ANO4: variants seen among roughly 807,000 people sequenced by gnomAD.
The protein encoded by ANO4 is anoctamin-4.
Under a neutral mutation model 141.9 loss-of-function variants are expected in ANO4, and 69 were observed. That is an observed-to-expected ratio of 0.49 (90% CI 0.40 to 0.59). ANO4 has a LOEUF of 0.59. Among genes scored for constraint, ANO4 ranks in the 20% least tolerant of loss-of-function variants. ANO4 has a pLI of 0.00. For synonymous variants in ANO4, 350 were observed against 394.3 expected (o/e 0.89, Z 1.33); for missense variants, 894 against 1,162.2 (o/e 0.77, Z 3.36).
At chr12:101,057,159 C>T (rs2048156711) in intron 14 of ANO4, among the ~76,000 whole-genome samples, 1 of 151,806 alleles carries the variant, frequency 6.6e-6, no homozygotes, top group African/African-American at 2.4e-5. Flanking sequence ...CCAGCTTCAT[C>T]CATGTCCCTG....
At chr12:100,825,752 G>T (rs2036299938) in intron 1 of ANO4, among the ~76,000 whole-genome samples, 1 of 151,984 alleles carries the variant, frequency 6.6e-6, no homozygotes, top group South Asian at 2.1e-4. Flanking sequence ...ATACCATTTT[G>T]ATAAATGATT....
chr12:100,746,380 C>G (rs1399213164), intron 3 of ANO4, among the ~76,000 whole-genome samples: 2 of 150,360 alleles, frequency 1.3e-5, no homozygotes, highest in African/African-American at 4.9e-5. Context: ...TTGAACCCGG[C>G]AGGCGGAGGC....
intron 3 of ANO4, among the ~76,000 whole-genome samples, chr12:100,770,407 T>G (rs1242719675): frequency 6.6e-6 from 1 of 152,270 alleles, no homozygotes; most frequent in Non-Finnish European, 1.5e-5. Context: ...ATTACATGGA[T>G]TTTGATTTTC....
intron 1 of ANO4, among the ~76,000 whole-genome samples, chr12:100,893,329 A>G (rs146249189): frequency 6.6e-6 from 1 of 151,562 alleles, no homozygotes; most frequent in East Asian, 1.9e-4. Context: ...CCATTATTGG[A>G]GGTGTGTTCA....
chr12:100,858,174 G>A (rs1200887777), intron 1 of ANO4, among the ~76,000 whole-genome samples: 1 of 152,032 alleles, frequency 6.6e-6, no homozygotes, highest in African/African-American at 2.4e-5. Flanking sequence ...CATCACTGTG[G>A]GTACATGAAA....
At chr12:101,008,072 G>T (rs2045942968) in intron 8 of ANO4, among the ~76,000 whole-genome samples, 1 of 152,260 alleles carries the variant, frequency 6.6e-6, no homozygotes, top group East Asian at 1.9e-4. Flanking sequence ...TCATTGTGAA[G>T]ATTCTGACTT....
chr12:100,814,568 T>G (rs928661532), intron 1 of ANO4, among the ~76,000 whole-genome samples: 2 of 152,154 alleles, frequency 1.3e-5, no homozygotes, highest in Non-Finnish European at 2.9e-5. Flanking sequence ...CTTATATGTT[T>G]TTATTGATAC....
chr12:100,830,691 G>C (rs2036586770), intron 1 of ANO4, among the ~76,000 whole-genome samples: 1 of 151,926 alleles, frequency 6.6e-6, no homozygotes, highest in African/African-American at 2.4e-5. Context: ...GCTCAGACAG[G>C]GATTTCATAC....
chr12:100,731,333 A>T (rs2031371786), intron 1 of ANO4, among the ~76,000 whole-genome samples: 1 of 152,206 alleles, frequency 6.6e-6, no homozygotes, highest in Non-Finnish European at 1.5e-5. Context: ...GTAATATTTT[A>T]AAATCACTTA....
intron 8 of ANO4, among the ~76,000 whole-genome samples, chr12:100,994,958 C>T (rs77873192): frequency 0.023 from 3,566 of 152,188 alleles, 132 homozygotes; most frequent in African/African-American, 0.081. Context: ...GTGTAGAGGC[C>T]AGGGATGCTG....
intron 14 of ANO4, among the ~76,000 whole-genome samples, chr12:101,051,444 T>C (rs1387155369): frequency 6.6e-6 from 1 of 152,260 alleles, no homozygotes; most frequent in Non-Finnish European, 1.5e-5. Context: ...AGATGACAAC[T>C]TATTGCTTAA....
chr12:100,807,184 G>T (rs1011003051), intron 1 of ANO4, among the ~76,000 whole-genome samples: 1 of 152,110 alleles, frequency 6.6e-6, no homozygotes, highest in Non-Finnish European at 1.5e-5. Flanking sequence ...AAACATTTCA[G>T]GCACGATGTG....
At chr12:100,912,469 G>A (rs1342815732) in intron 2 of ANO4, among the ~76,000 whole-genome samples, 2 of 149,944 alleles carry the variant, frequency 1.3e-5, no homozygotes, top group Admixed American at 6.7e-5. Context: ...GGGAGACAGA[G>A]GTGGCAGTGA....
At chr12:100,768,986 CAT>C (rs570757140) in intron 3 of ANO4, among the ~76,000 whole-genome samples, 40 of 152,260 alleles carry the variant, frequency 2.6e-4, no homozygotes, top group African/African-American at 8.4e-4. Context: ...TAGCATCTAA[CAT>C]GTGAAAAACC....
intron 1 of ANO4, among the ~76,000 whole-genome samples, chr12:100,874,877 GTT>G (rs1033864099): frequency 2.0e-5 from 3 of 152,028 alleles, no homozygotes; most frequent in Non-Finnish European, 4.4e-5. Context: ...TAGCCCCTTA[GTT>G]TTGGCTGATT....
In ANO4 at chr12:101,126,758, C is replaced by T. The variant is rs547445755; in HGVS notation, c.2677-121C>T. 32 of 838,244 alleles carry T rather than the reference C, an allele frequency of 3.8e-5. 1 individual carries two copies. The South Asian group carries it at 5.1e-4, about 13-fold the overall frequency. 51.9% of individuals were successfully genotyped at this position (838,244 alleles called of 1,614,324 possible). On this transcript the variant is annotated intron_variant, in intron 26 of 27. Transcript: ENST00000392977. The stretch of plus-strand genomic sequence containing the variant: ...CTATCATCTTGCATTACACACGCCT[C>T]CCCTGGTCACTTTGCACTCTCCACA...
chr12:100,740,102 A>G (rs2031796537), exon 3 of ANO4: 1 of 702,212 alleles, frequency 1.4e-6, no homozygotes, highest in Non-Finnish European at 2.6e-6. Context: ...TCAAGACACA[A>G]CAGGTAAGTG....
At chr12:100,746,663 A>G (rs1048782080) in intron 3 of ANO4, among the ~76,000 whole-genome samples, 1 of 152,172 alleles carries the variant, frequency 6.6e-6, no homozygotes, top group African/African-American at 2.4e-5. Flanking sequence ...CACCAGGGAT[A>G]CTGCTAAACA....
chr12:101,055,902 C>CATG (rs1212108930), intron 14 of ANO4, among the ~76,000 whole-genome samples: 1 of 152,078 alleles, frequency 6.6e-6, no homozygotes, highest in African/African-American at 2.4e-5. Context: ...TTTCCTAGTA[C>CATG]CATTTGTCAA....
Sources: allele counts gnomAD v4.1 joint callset (sites outside exome capture counted in the v4.1 genomes callset), GRCh38; gene constraint gnomAD v4.1.1; transcripts MANE v1.5; gene names NCBI Gene and HGNC (gene_info 2026-07-23, HGNC 2026-07-21).